Variants in PCLO observed in about 807,000 individuals in gnomAD.
The protein encoded by PCLO is protein piccolo.
A neutral mutation model predicts 427.5 loss-of-function variants in PCLO; 82 were observed. The observed-to-expected ratio is 0.19, with a 90% CI of 0.16 to 0.23. PCLO has a LOEUF of 0.23. Ranked by LOEUF, PCLO falls within the 10% of genes least tolerant of loss-of-function variation. PCLO has a pLI of 1.00. For synonymous variants in PCLO, 2,357 were observed against 2,155.4 expected, an observed-to-expected ratio of 1.09 and a Z score of -2.59; for missense variants, 6,239 against 6,115.9, an observed-to-expected ratio of 1.02 and a Z score of -0.67.
chr7:83,072,223 T>C (rs183349177), intron 3 of PCLO, among the ~76,000 whole-genome samples: 5 of 152,212 alleles, frequency 3.3e-5, no homozygotes, highest in East Asian at 3.9e-4. Flanking sequence ...ATGTGTGAGA[T>C]GTATGCATGT....
intron 18 of PCLO, 87 bp from the exon 19 acceptor site, chr7:82,824,503 A>T: frequency 1.2e-6 from 1 of 859,574 alleles, no homozygotes; most frequent in Non-Finnish European, 1.8e-6. Flanking sequence ...AATTTATTCA[A>T]GGATATAAAC....
At chr7:82,826,334 T>C (rs1013392963) in intron 18 of PCLO, among the ~76,000 whole-genome samples, 1 of 152,150 alleles carries the variant, frequency 6.6e-6, no homozygotes, top group Non-Finnish European at 1.5e-5. Flanking sequence ...ACTCACAGTA[T>C]GATTACATAT....
intron 18 of PCLO, among the ~76,000 whole-genome samples, chr7:82,825,751 TAG>T (rs1282610859): frequency 7.9e-6 from 1 of 126,824 alleles, no homozygotes; most frequent in African/African-American, 2.5e-5. Context: ...ACATTGTATA[TAG>T]ACATATATAC....
chr7:83,023,853 T>C lies in PCLO; in HGVS notation c.3301-57366A>G, dbSNP rs540995813. On this transcript the variant is annotated intron_variant, in intron 3 of 24. Coordinates refer to ENST00000333891, the MANE Select transcript of PCLO (RefSeq NM_033026.6). ...TCATTGATAGCAGAGAAGTGATGTATGGCAAATCTTATGGTTTCTCAATAA... is the reference window on the plus strand; with the variant it reads ...TCATTGATAGCAGAGAAGTGATGTACGGCAAATCTTATGGTTTCTCAATAA... Among the ~76,000 whole-genome samples the C allele has an allele frequency of 9.7e-4, 148 of 152,358 alleles. 1 individual carries two copies. The highest frequency in any genetic ancestry group is 3.3e-3 in the African/African-American group (139 of 41,582).
At chr7:83,019,287 T>C (rs1366308812) in intron 3 of PCLO, among the ~76,000 whole-genome samples, 1 of 151,906 alleles carries the variant, frequency 6.6e-6, no homozygotes, top group African/African-American at 2.4e-5. Flanking sequence ...TTTTGCGGGG[T>C]AGAGTAAGGC....
In PCLO at chr7:82,916,097, T is replaced by C. The variant is rs372758916; in HGVS notation, c.11889A>G (p.Pro3963=). Residue 3963 remains proline, a synonymous_variant, in exon 7 of 25, where the codon CCA becomes CCG. Coordinates refer to ENST00000333891, the MANE Select transcript of PCLO (RefSeq NM_033026.6). ...GCTCCAAATATAATGTAGTTTGCCG[T>C]GGCTTCTGTTGTATCACCATCATCT... ...PSQMMVIQQK[P]RQTTLYLEPK... 1.7e-4 allele frequency: 281 copies of C among 1,613,552 alleles called. 1 individual carries two copies. Among genetic ancestry groups the C allele is most frequent in the Admixed American group, 3.0e-4 (18 of 59,960 alleles).
At chr7:82,795,070 A>G (rs933901650) in intron 22 of PCLO, among the ~76,000 whole-genome samples, 27 of 152,234 alleles carry the variant, frequency 1.8e-4, no homozygotes, top group African/African-American at 6.3e-4. Context: ...ATTTCCTTCA[A>G]ACATTTTTAT....
Position 82,956,008 on chromosome 7 carries a change from T to G in PCLO, c.4945A>C (p.Lys1649Gln), listed in dbSNP as rs1562883080. Residue 1649 changes from lysine to glutamine, a missense_variant, in exon 5 of 25, where the codon AAA becomes CAA. Lys to Gln is a moderately conservative substitution (Grantham distance 53). Coordinates refer to ENST00000333891, the MANE Select transcript of PCLO (RefSeq NM_033026.6). ...ACAAGTTCTTCACTTTCCTGACTTT[T>G]AGTTTCTCTGTATTTAAGTTCAGGA... ...ESPELKYRETKSQESEELVVT... is the reference protein window; with the variant it reads ...ESPELKYRETQSQESEELVVT... 6.2e-7 allele frequency: 1 copy of G among 1,613,406 alleles called. No individual in the cohort carries two copies. Among genetic ancestry groups the G allele is most frequent in the East Asian group, 2.2e-5 (1 of 44,884 alleles).
intron 6 of PCLO, among the ~76,000 whole-genome samples, chr7:82,922,021 CA>C (rs1214062497): frequency 1.3e-5 from 2 of 151,912 alleles, no homozygotes; most frequent in African/African-American, 4.8e-5. Flanking sequence ...ATCAAAACCA[CA>C]ATGAGATACC....
intron 9 of PCLO, chr7:82,879,983 TTTCTACAAGACACGATAAAA>T: frequency 3.0e-6 from 1 of 329,304 alleles, no homozygotes; most frequent in Non-Finnish European, 5.8e-6. Context: ...AACCTGACAC[TTTCTACAAGACACGATAAAA>T]TTATTCTTGA....
intron 3 of PCLO, among the ~76,000 whole-genome samples, chr7:83,076,391 T>G (rs1216955689): frequency 6.6e-6 from 1 of 151,872 alleles, no homozygotes; most frequent in East Asian, 1.9e-4. Flanking sequence ...GCCTCCCAAG[T>G]AGCTGGGATT....
intron 9 of PCLO, among the ~76,000 whole-genome samples, chr7:82,898,812 C>T (rs1173713865): frequency 6.6e-6 from 1 of 151,272 alleles, no homozygotes; most frequent in Non-Finnish European, 1.5e-5. Context: ...ACAATAAAAT[C>T]CAACGTGGTT....
At chr7:82,763,769 C>T (rs1790477644) in intron 22 of PCLO, among the ~76,000 whole-genome samples, 1 of 151,912 alleles carries the variant, frequency 6.6e-6, no homozygotes, top group African/African-American at 2.4e-5. Context: ...ACAAATCTTC[C>T]AGAGTTAAAT....
At chr7:82,866,852 A>C (rs1184291133) in intron 10 of PCLO, among the ~76,000 whole-genome samples, 5 of 152,118 alleles carry the variant, frequency 3.3e-5, no homozygotes, top group Non-Finnish European at 7.3e-5. Context: ...ACCTTAAAAG[A>C]TCTGTATAGT....
In PCLO at chr7:83,128,459, C is replaced by T. The variant is rs866473042; in HGVS notation, c.3300+5791G>A. 3.1e-4 allele frequency among the ~76,000 whole-genome samples: 47 copies of T among 152,216 alleles called. 1 individual carries two copies. Among genetic ancestry groups the T allele is most frequent in the African/African-American group, 1.1e-3 (46 of 41,536 alleles). On this transcript the variant is annotated intron_variant, in intron 3 of 24. Transcript: ENST00000333891. Reference sequence around the variant, plus strand: ...GCACAGCGTTCATCAGCACACGTGACCAGTGACTATTATTTCAGATCATCT... The same window carrying T: ...GCACAGCGTTCATCAGCACACGTGATCAGTGACTATTATTTCAGATCATCT...
chr7:82,949,040 T>G (rs1208675927), intron 6 of PCLO, among the ~76,000 whole-genome samples: 1 of 152,180 alleles, frequency 6.6e-6, no homozygotes, highest in Non-Finnish European at 1.5e-5. Flanking sequence ...TGGTCTAAAT[T>G]CATAGTCACC....
chr7:83,038,079 ATATATCTT>A (rs1788871508), intron 3 of PCLO, among the ~76,000 whole-genome samples: 2 of 77,752 alleles, frequency 2.6e-5, no homozygotes, highest in African/African-American at 9.4e-5. Flanking sequence ...ATATTTATAT[ATATATCTT>A]TATATATATA....
intron 6 of PCLO, among the ~76,000 whole-genome samples, chr7:82,933,514 A>G (rs1794884631): frequency 6.6e-6 from 1 of 151,888 alleles, no homozygotes; most frequent in Non-Finnish European, 1.5e-5. Context: ...CATCACCCTT[A>G]CAAGTATGGC....
chr7:82,888,743 TCTGGTCCC>T (rs1346742410), intron 9 of PCLO, among the ~76,000 whole-genome samples: 1 of 152,156 alleles, frequency 6.6e-6, no homozygotes, highest in African/African-American at 2.4e-5. Flanking sequence ...TTGTATATAC[TCTGGTCCC>T]TTTTATGTAC....
Sources: allele counts gnomAD v4.1 joint callset (sites outside exome capture counted in the v4.1 genomes callset), GRCh38; gene constraint gnomAD v4.1.1; transcripts MANE v1.5; gene names NCBI Gene and HGNC (gene_info 2026-07-23, HGNC 2026-07-21).